Variants in SLX9 observed in about 807,000 individuals in gnomAD.
SLX9 encodes ribosome biogenesis protein SLX9 homolog.
A neutral mutation model predicts 20.8 loss-of-function variants in SLX9; 19 were observed. The ratio of observed to expected loss-of-function variants is 0.91; its 90% confidence interval spans 0.64 to 1.34. SLX9 has a LOEUF of 1.34. Among genes scored for constraint, SLX9 ranks in the 40% most tolerant of loss-of-function variants. The probability of loss-of-function intolerance (pLI) is 0.00; values close to 1 mark genes in which losing one functional copy is unlikely to be tolerated. For missense variants in SLX9, 299 were observed against 322.2 expected (o/e 0.93, Z 0.55); for synonymous variants, 113 against 137.1 (o/e 0.82, Z 1.23).
chr21:44,959,025 C>T (rs932433339), intron 2 of SLX9, among the ~76,000 whole-genome samples: 4 of 152,140 alleles, frequency 2.6e-5, no homozygotes, highest in Admixed American at 6.5e-5. Context: ...CCTTTGTGGT[C>T]GGGAGGGAGA....
chr21:44,967,030 T>A lies in SLX9; in HGVS notation c.353-4T>A. On this transcript the variant is annotated splice_polypyrimidine_tract_variant and splice_region_variant and intron_variant, in intron 3 of 5. Coordinates refer to ENST00000291634, the MANE Select transcript of SLX9 (RefSeq NM_058190.4). ...TGCCTCTAACGTCGTTTCTCCTTCCTTAGAAATCGAAGCCATAAAACTGGC... is the reference window on the plus strand; with the variant it reads ...TGCCTCTAACGTCGTTTCTCCTTCCATAGAAATCGAAGCCATAAAACTGGC... 1 of 1,607,904 alleles carries A rather than the reference T, an allele frequency of 6.2e-7. No individual in the cohort carries two copies. The highest frequency in any genetic ancestry group is 8.5e-7 in the Non-Finnish European group (1 of 1,178,046).
intron 4 of SLX9, among the ~76,000 whole-genome samples, chr21:44,967,566 C>A (rs2085061340): frequency 6.6e-6 from 1 of 152,176 alleles, no homozygotes; most frequent in Admixed American, 6.5e-5. Context: ...CAGCTGAGGC[C>A]CCTGAGCATC....
chr21:44,959,948 G>A, intron 2 of SLX9, 152 bp from the exon 3 acceptor site: 2 of 685,620 alleles, frequency 2.9e-6, no homozygotes, highest in Non-Finnish European at 2.6e-6. Context: ...CCCTGGTGCT[G>A]TCCAGAGCCG....
chr21:44,955,207 C>CAAA (rs560489212), intron 2 of SLX9, among the ~76,000 whole-genome samples: 9 of 138,754 alleles, frequency 6.5e-5, no homozygotes, highest in African/African-American at 1.1e-4. Flanking sequence ...GACTTTGTCT[C>CAAA]AAAAAAAAAA....
At chr21:44,949,537 G>A (rs1376974309) in intron 2 of SLX9, among the ~76,000 whole-genome samples, 3 of 152,172 alleles carry the variant, frequency 2.0e-5, no homozygotes, top group African/African-American at 7.2e-5. Context: ...AGGCCAGAGC[G>A]CACCATGGAG....
In SLX9 at chr21:44,976,184, G is replaced by A. The variant is rs1282953781; in HGVS notation, c.570-496G>A. 2.6e-5 allele frequency among the ~76,000 whole-genome samples: 4 copies of A among 152,364 alleles called. No individual in the cohort carries two copies. In the South Asian group the frequency reaches 6.2e-4, roughly 24 times the overall value. ...CTGAGTGGCCGCCGGGCTGGGTGGC[G>A]GCTGGGGTGAGCTGGTGCCATGCTG... On this transcript the variant is annotated intron_variant, in intron 5 of 5. Coordinates refer to ENST00000291634, the MANE Select transcript of SLX9 (RefSeq NM_058190.4).
chr21:44,970,252 T>C (rs1385150818), intron 4 of SLX9, among the ~76,000 whole-genome samples: 1 of 152,246 alleles, frequency 6.6e-6, no homozygotes, highest in African/African-American at 2.4e-5. Flanking sequence ...TCCCCGTGTA[T>C]GTGTCGCTCA....
chr21:44,955,680 C>T (rs534239710), intron 2 of SLX9, among the ~76,000 whole-genome samples: 10 of 152,302 alleles, frequency 6.6e-5, no homozygotes, highest in African/African-American at 9.6e-5. Flanking sequence ...CTGCTGCTCC[C>T]GGCCCCCTCT....
At chr21:44,950,660 G>A (rs1051689358) in intron 2 of SLX9, among the ~76,000 whole-genome samples, 2 of 152,262 alleles carry the variant, frequency 1.3e-5, no homozygotes, top group Non-Finnish European at 2.9e-5. Context: ...CCTGTTGGTG[G>A]CGCTTCTCAG....
chr21:44,954,657 C>T (rs2084822321), intron 2 of SLX9, among the ~76,000 whole-genome samples: 1 of 152,150 alleles, frequency 6.6e-6, no homozygotes, highest in South Asian at 2.1e-4. Flanking sequence ...CACCTTGGTG[C>T]TCTGCGTCTC....
chr21:44,945,063 G>A (rs73906963), intron 2 of SLX9, among the ~76,000 whole-genome samples: 3,722 of 152,282 alleles, frequency 0.024, 164 homozygotes, highest in African/African-American at 0.086. Flanking sequence ...CCCAGAGGTG[G>A]GCCAGCCCTA....
chr21:44,947,876 G>T (rs1276557692), intron 2 of SLX9, among the ~76,000 whole-genome samples: 1 of 152,236 alleles, frequency 6.6e-6, no homozygotes, highest in Non-Finnish European at 1.5e-5. Context: ...GCCGGGTTGT[G>T]CATGCAGGGG....
intron 4 of SLX9, among the ~76,000 whole-genome samples, chr21:44,972,296 C>CG (rs1285257732): frequency 3.3e-5 from 5 of 152,170 alleles, no homozygotes; most frequent in Non-Finnish European, 5.9e-5. Context: ...AGGTGGGCGG[C>CG]TGCCTTGGCC....
upstream of SLX9, chr21:44,939,990 C>G: frequency 7.4e-7 from 1 of 1,353,068 alleles, no homozygotes; most frequent in South Asian, 1.8e-5. Context: ...CTGTTTCCGC[C>G]GGGCGGCGAG....
intron 1 of SLX9, among the ~76,000 whole-genome samples, chr21:44,941,852 C>T (rs2084556381): frequency 6.6e-6 from 1 of 152,206 alleles, no homozygotes; most frequent in Non-Finnish European, 1.5e-5. Flanking sequence ...CCTTCCTGGT[C>T]AGCAACACCC....
At chr21:44,940,586 C>G (rs1247943921) in intron 1 of SLX9, among the ~76,000 whole-genome samples, 1 of 152,212 alleles carries the variant, frequency 6.6e-6, no homozygotes, top group Non-Finnish European at 1.5e-5. Flanking sequence ...GCCTGTTTCT[C>G]CATCCCCCTC....
chr21:44,960,061 T>C, intron 2 of SLX9, 39 bp from the exon 3 acceptor site: 1 of 1,595,954 alleles, frequency 6.3e-7, no homozygotes, highest in Non-Finnish European at 8.6e-7. Flanking sequence ...GAGTGCCACC[T>C]GGACACGTTT....
At chr21:44,955,848 A>G (rs1417775168) in intron 2 of SLX9, among the ~76,000 whole-genome samples, 1 of 152,212 alleles carries the variant, frequency 6.6e-6, no homozygotes, top group East Asian at 1.9e-4. Context: ...TGTAGATCAA[A>G]CCACAGCAGT....
At chr21:44,940,297 G>T in intron 1 of SLX9, 111 bp downstream of exon 1, 1 of 1,178,734 alleles carries the variant, frequency 8.5e-7, no homozygotes, top group Non-Finnish European at 1.0e-6. Context: ...CTCGGGCTCT[G>T]CGGGCATTTG....
Sources: gnomAD v4.1 joint callset for allele counts (sites outside exome capture counted in the v4.1 genomes callset) on GRCh38, gnomAD v4.1.1 for gene constraint, MANE v1.5 for transcripts, NCBI Gene and HGNC (gene_info 2026-07-23, HGNC 2026-07-21) for gene names.